KDM5A: variants seen among roughly 807,000 people sequenced by gnomAD.
KDM5A encodes lysine demethylase 5A, also known as lysine-specific demethylase 5A.
KDM5A carries 42 observed loss-of-function variants against 193.5 expected under a neutral mutation model. That is an observed-to-expected ratio of 0.22 (90% confidence interval 0.17 to 0.28). The LOEUF is 0.28. KDM5A is among the 10% of genes least tolerant of loss of function. The pLI is 1.00. For missense variants in KDM5A, 1,692 were observed against 2,055.1 expected, an observed-to-expected ratio of 0.82 and a Z score of 3.42; for synonymous variants, 796 against 718.1, an observed-to-expected ratio of 1.11 and a Z score of -1.73.
intron 24 of KDM5A, among the ~76,000 whole-genome samples, chr12:306,238 T>C (rs1485909115): frequency 2.0e-5 from 3 of 151,912 alleles, no homozygotes; most frequent in Non-Finnish European, 4.4e-5. Flanking sequence ...CTCCCCTAAA[T>C]TGTTAGGTTT....
At chr12:375,203 T>G (rs534030953) in intron 3 of KDM5A, among the ~76,000 whole-genome samples, 1 of 152,364 alleles carries the variant, frequency 6.6e-6, no homozygotes, top group Non-Finnish European at 1.5e-5. Flanking sequence ...CCCATCACTT[T>G]CAGGTACACC....
chr12:302,016 TAA>T (rs1483260989), intron 24 of KDM5A, among the ~76,000 whole-genome samples: 3 of 151,988 alleles, frequency 2.0e-5, no homozygotes, highest in African/African-American at 7.3e-5. Context: ...CTCAACGAAA[TAA>T]AAGAGGATAC....
At chr12:340,567 T>C (rs1943991484) in intron 10 of KDM5A, among the ~76,000 whole-genome samples, 1 of 151,716 alleles carries the variant, frequency 6.6e-6, no homozygotes, top group Admixed American at 6.6e-5. Context: ...TGGTGGTGGG[T>C]GCCTGTAATC....
intron 2 of KDM5A, 58 bp downstream of exon 2, chr12:385,839 C>T: frequency 7.5e-7 from 1 of 1,335,428 alleles, no homozygotes; most frequent in South Asian, 1.2e-5. Flanking sequence ...AAGTTCTCTA[C>T]CTACAGCCCT....
chr12:388,617 G>A (rs998985698), intron 1 of KDM5A: 8 of 448,892 alleles, frequency 1.8e-5, no homozygotes, highest in Non-Finnish European at 1.2e-5. Context: ...GGAAGAATAC[G>A]TCACGTCATA....
At chr12:330,054 A>AGTGTGTGTGTGTGTGTGTGT (rs148451707) in intron 13 of KDM5A, among the ~76,000 whole-genome samples, 7 of 142,344 alleles carry the variant, frequency 4.9e-5, no homozygotes, top group East Asian at 4.3e-4. Context: ...CAAAGGAAAA[A>AGTGTGTGTGTGTGTGTGTGT]GTGTGTGTGT....
At chr12:322,611 AC>A (rs748357309) in intron 16 of KDM5A, 44 bp from the exon 17 acceptor site, 26 of 1,556,990 alleles carry the variant, frequency 1.7e-5, no homozygotes, top group Non-Finnish European at 2.3e-5. Context: ...AACCATAGAC[AC>A]AAAAAGCCAT....
intron 21 of KDM5A, 108 bp downstream of exon 21, chr12:310,777 G>C: frequency 8.2e-7 from 1 of 1,222,236 alleles, no homozygotes; most frequent in Non-Finnish European, 1.2e-6. Flanking sequence ...ATATTACCTA[G>C]TAAGAATCAC....
intron 27 of KDM5A, among the ~76,000 whole-genome samples, chr12:288,642 C>T (rs553880526): frequency 6.6e-6 from 1 of 152,302 alleles, no homozygotes; most frequent in South Asian, 2.1e-4. Flanking sequence ...ACTAATTAAA[C>T]TGAGCTTTTG....
In KDM5A at chr12:337,767, C is replaced by T. The variant is rs927506394; in HGVS notation, c.1309-3345G>A. On this transcript the variant is annotated intron_variant, in intron 10 of 27. Coordinates refer to ENST00000399788, the MANE Select transcript of KDM5A (RefSeq NM_001042603.3). Reference sequence around the variant, plus strand: ...AAGCGATTCTCCTGCCTCAGCCTCCCGAGTAGCTGGGATTACAGGCACCTG... The same window carrying T: ...AAGCGATTCTCCTGCCTCAGCCTCCTGAGTAGCTGGGATTACAGGCACCTG... Among the ~76,000 whole-genome samples the T allele has an allele frequency of 5.3e-5, 8 of 151,836 alleles. No homozygotes were observed. The South Asian group carries it at 1.3e-3, about 24-fold the overall frequency.
chr12:293,017 C>A lies in KDM5A; in HGVS notation c.4608G>T (p.Lys1536Asn), dbSNP rs1398896426. Residue 1536 changes from lysine (K) to asparagine (N), a missense_variant, in exon 27 of 28, where the codon AAG becomes AAT. Lys to Asn is a moderately conservative substitution (Grantham distance 94). This residue lies in a region of KDM5A where 965 missense variants were observed against 1,061.0 expected (regional missense o/e 0.91). Transcript: ENST00000399788. ...ELKKMDKPRK[K>N]KLKLGADKSK... ...ATTTGTCTGCACCTAATTTTAATTT[C>A]TTCTTTCTAGGTTTGTCCATTTTCT... 3 of 1,589,760 alleles carry A rather than the reference C, an allele frequency of 1.9e-6. No individual in the cohort carries two copies. The highest frequency in any genetic ancestry group is 2.6e-6 in the Non-Finnish European group (3 of 1,174,006).
intron 25 of KDM5A, 44 bp downstream of exon 25, chr12:296,997 G>A: frequency 6.3e-7 from 1 of 1,587,570 alleles, no homozygotes; most frequent in East Asian, 2.2e-5. Context: ...TTTTCTCATT[G>A]GTTTTCTGCT....
intron 3 of KDM5A, among the ~76,000 whole-genome samples, chr12:374,905 C>T (rs1944481919): frequency 6.6e-6 from 1 of 152,154 alleles, no homozygotes; most frequent in African/African-American, 2.4e-5. Context: ...ACATTGGCCC[C>T]CACTCTCTGC....
intron 13 of KDM5A, chr12:329,307 C>A (rs1253013096): frequency 6.7e-6 from 3 of 450,714 alleles, no homozygotes; most frequent in South Asian, 2.3e-5. Flanking sequence ...AGAAGGAGTT[C>A]TTTGGTATAT....
At chr12:308,539 A>G (rs1177879451) in intron 22 of KDM5A, among the ~76,000 whole-genome samples, 4 of 152,216 alleles carry the variant, frequency 2.6e-5, no homozygotes, top group Non-Finnish European at 5.9e-5. Flanking sequence ...CTCTTCATGT[A>G]TAAGTAGAAT....
intron 27 of KDM5A, among the ~76,000 whole-genome samples, chr12:286,754 T>A (rs2137356378): frequency 1.3e-5 from 2 of 152,318 alleles, no homozygotes; most frequent in Middle Eastern, 6.8e-3. Context: ...CCATGTCCTA[T>A]AAAAAACTGT....
At chr12:286,090 A>C (rs1591893217) in intron 27 of KDM5A, 1 of 447,764 alleles carries the variant, frequency 2.2e-6, no homozygotes, top group South Asian at 1.7e-5. Context: ...GCTTTATTTC[A>C]AAGAGATAAG....
intron 10 of KDM5A, among the ~76,000 whole-genome samples, chr12:336,141 T>A (rs1943930215): frequency 6.7e-6 from 1 of 150,314 alleles, no homozygotes; most frequent in African/African-American, 2.5e-5. Flanking sequence ...GGCAGATGAC[T>A]TCAGCCCAGG....
intron 12 of KDM5A, 45 bp downstream of exon 12, chr12:333,438 AAAAC>A (rs751884628): frequency 3.4e-4 from 543 of 1,607,946 alleles, no homozygotes; most frequent in Non-Finnish European, 4.0e-4. Context: ...GAAAAAAGAA[AAAAC>A]AAACAAACAA....
Sources: allele counts gnomAD v4.1 joint callset (sites outside exome capture counted in the v4.1 genomes callset), GRCh38; gene constraint gnomAD v4.1.1; regional missense constraint gnomAD v4.1.1; transcripts MANE v1.5; gene names NCBI Gene and HGNC (gene_info 2026-07-23, HGNC 2026-07-21).